The following MAGI2 variants were observed in gnomAD, a reference collection of about 807,000 sequenced individuals.
MAGI2 encodes the protein membrane-associated guanylate kinase, WW and PDZ domain-containing protein 2.
MAGI2 carries 35 observed loss-of-function variants against 133.3 expected under a neutral mutation model. The observed-to-expected ratio is 0.26, with a 90% confidence interval of 0.20 to 0.35. The LOEUF is 0.35. MAGI2 is among the 10% of genes least tolerant of loss of function. The pLI is 1.00. For missense variants in MAGI2, 1,636 were observed against 1,863.4 expected (o/e 0.88, Z 2.25); for synonymous variants, 729 against 710.6 (o/e 1.03, Z -0.41).
At chr7:78,399,936 CA>C (rs5885056) in intron 6 of MAGI2, among the ~76,000 whole-genome samples, 11 of 149,502 alleles carry the variant, frequency 7.4e-5, no homozygotes, top group South Asian at 6.3e-4. Context: ...TAAAACACAG[CA>C]AAAAAAAATA....
intron 9 of MAGI2, among the ~76,000 whole-genome samples, chr7:78,331,932 C>T (rs148521180): frequency 2.3e-3 from 346 of 152,308 alleles, no homozygotes; most frequent in Non-Finnish European, 3.9e-3. Context: ...GCATTGACTT[C>T]CATGACCTTA....
At chr7:78,955,941 C>CT (rs529960629) in intron 2 of MAGI2, among the ~76,000 whole-genome samples, 56 of 150,464 alleles carry the variant, frequency 3.7e-4, no homozygotes, top group African/African-American at 8.5e-4. Flanking sequence ...CCAAAGATGC[C>CT]TTTTTTTTTG....
intron 11 of MAGI2, 30 bp downstream of exon 11, chr7:78,201,132 A>T: frequency 7.0e-7 from 1 of 1,428,722 alleles, no homozygotes; most frequent in Non-Finnish European, 9.4e-7. Flanking sequence ...AAGTAGAAAT[A>T]AAGAAAGAAG....
chr7:78,110,695 C>T (rs1819271894), intron 20 of MAGI2, among the ~76,000 whole-genome samples: 1 of 152,094 alleles, frequency 6.6e-6, no homozygotes, highest in Admixed American at 6.5e-5. Context: ...ATGCAGGAGT[C>T]AGATCTTTTC....
At chr7:78,265,057 T>A (rs1418067436) in intron 9 of MAGI2, among the ~76,000 whole-genome samples, 1 of 151,734 alleles carries the variant, frequency 6.6e-6, no homozygotes, top group African/African-American at 2.4e-5. Flanking sequence ...TGTGACCCAG[T>A]GCAGATGCTT....
At chr7:78,969,104 C>A (rs1803566719) in intron 2 of MAGI2, among the ~76,000 whole-genome samples, 1 of 152,048 alleles carries the variant, frequency 6.6e-6, no homozygotes. Flanking sequence ...CTCCCTTTTC[C>A]TTGTTGCCAC....
At chr7:78,048,836 C>T (rs943192886) in intron 21 of MAGI2, among the ~76,000 whole-genome samples, 16 of 152,270 alleles carry the variant, frequency 1.1e-4, no homozygotes, top group Middle Eastern at 3.4e-3. Flanking sequence ...TGGCTGTGTG[C>T]GGCGGCTCAT....
At chr7:78,832,807 T>C (rs535372740) in intron 2 of MAGI2, among the ~76,000 whole-genome samples, 1 of 152,312 alleles carries the variant, frequency 6.6e-6, no homozygotes, top group African/African-American at 2.4e-5. Context: ...TGTGATGTGC[T>C]TCCCCCTGCA....
At chr7:78,569,973 T>C (rs1801340571) in intron 3 of MAGI2, among the ~76,000 whole-genome samples, 1 of 152,250 alleles carries the variant, frequency 6.6e-6, no homozygotes, top group African/African-American at 2.4e-5. Flanking sequence ...ATAGTAATGT[T>C]TTCATTGTTC....
At chr7:79,203,605 C>T (rs938308243) in intron 1 of MAGI2, among the ~76,000 whole-genome samples, 6 of 151,890 alleles carry the variant, frequency 4.0e-5, no homozygotes, top group Admixed American at 6.6e-5. Flanking sequence ...AACAATTAGG[C>T]ATTCACTCCT....
At chr7:78,670,305 T>G (rs1814213054) in intron 2 of MAGI2, among the ~76,000 whole-genome samples, 1 of 152,082 alleles carries the variant, frequency 6.6e-6, no homozygotes. Context: ...AAATCATGAG[T>G]GAACTCCCAT....
intron 20 of MAGI2, among the ~76,000 whole-genome samples, chr7:78,101,869 G>A (rs893666706): frequency 4.6e-5 from 7 of 152,052 alleles, no homozygotes; most frequent in Non-Finnish European, 8.8e-5. Context: ...GATATATATC[G>A]GAAGGAAATG....
chr7:78,550,238 A>G (rs1248176125), intron 3 of MAGI2, among the ~76,000 whole-genome samples: 1 of 152,142 alleles, frequency 6.6e-6, no homozygotes. Flanking sequence ...CTAAGGTAAT[A>G]TCCTTTAGAA....
At chr7:78,756,224 C>A (rs1433872773) in intron 2 of MAGI2, among the ~76,000 whole-genome samples, 1 of 152,144 alleles carries the variant, frequency 6.6e-6, no homozygotes, top group Admixed American at 6.6e-5. Context: ...AGAGCTCTAG[C>A]CAGCCAAGTG....
chr7:78,210,085 GGT>G (rs1278127652), intron 10 of MAGI2, among the ~76,000 whole-genome samples: 1 of 151,646 alleles, frequency 6.6e-6, no homozygotes, highest in Non-Finnish European at 1.5e-5. Context: ...TCCTTTATAT[GGT>G]TCTATTTGTA....
intron 4 of MAGI2, chr7:78,519,188 G>C (rs1488706376): frequency 6.8e-6 from 1 of 147,640 alleles, no homozygotes; most frequent in African/African-American, 2.5e-5. Context: ...GTTGGGAAAT[G>C]TATATCAGAG....
intron 6 of MAGI2, among the ~76,000 whole-genome samples, chr7:78,400,506 T>G (rs1390619930): frequency 1.3e-5 from 2 of 152,176 alleles, no homozygotes; most frequent in African/African-American, 4.8e-5. Flanking sequence ...GCAGTGAAAT[T>G]TAAAAAATGT....
chr7:78,235,057 A>G (rs975443195), intron 10 of MAGI2, among the ~76,000 whole-genome samples: 10 of 152,140 alleles, frequency 6.6e-5, no homozygotes, highest in African/African-American at 2.4e-4. Flanking sequence ...TTATTTTTAG[A>G]TTTGAGTTTT....
intron 1 of MAGI2, among the ~76,000 whole-genome samples, chr7:79,136,129 G>GAA (rs1821550820): frequency 6.9e-6 from 1 of 145,286 alleles, no homozygotes; most frequent in Admixed American, 6.9e-5. Context: ...AAGAAAGAAA[G>GAA]ACACAAAAGG....
Sources: gnomAD v4.1 joint callset for allele counts (sites outside exome capture counted in the v4.1 genomes callset) on GRCh38, gnomAD v4.1.1 for gene constraint, MANE v1.5 for transcripts, NCBI Gene and HGNC (gene_info 2026-07-23, HGNC 2026-07-21) for gene names.